The following KLHL14 variants were observed in gnomAD, a reference collection of about 807,000 sequenced individuals.
KLHL14 encodes the protein kelch-like protein 14.
In KLHL14, 22 loss-of-function variants were observed where a neutral mutation model predicts 64.3. That is an observed-to-expected ratio of 0.34 (90% CI 0.24 to 0.49). The LOEUF (loss-of-function observed/expected upper bound fraction) is 0.49. Ranked by LOEUF, KLHL14 falls within the 20% of genes least tolerant of loss-of-function variation. The pLI is 0.99. For missense variants in KLHL14, 661 were observed against 789.0 expected (o/e 0.84, Z 1.94); for synonymous variants, 322 against 333.4 (o/e 0.97, Z 0.37).
chr18:32,701,267 A>T (rs1011229528), intron 3 of KLHL14, among the ~76,000 whole-genome samples: 2 of 152,216 alleles, frequency 1.3e-5, no homozygotes, highest in Non-Finnish European at 2.9e-5. Context: ...CTGCTCTCCT[A>T]GACCTTATAT....
chr18:32,759,700 TC>T (rs2050303893), intron 2 of KLHL14, among the ~76,000 whole-genome samples: 2 of 62,204 alleles, frequency 3.2e-5, no homozygotes, highest in African/African-American at 7.4e-5. Flanking sequence ...TATAACCTTC[TC>T]TCTCTCTCTC....
intron 4 of KLHL14, among the ~76,000 whole-genome samples, chr18:32,693,736 A>G (rs934190973): frequency 4.0e-4 from 61 of 152,236 alleles, no homozygotes; most frequent in African/African-American, 1.4e-3. Context: ...CTCACAGCAT[A>G]TTCACTGATG....
intron 2 of KLHL14, among the ~76,000 whole-genome samples, chr18:32,747,290 A>C (rs563997236): frequency 1.3e-5 from 2 of 152,242 alleles, no homozygotes; most frequent in African/African-American, 4.8e-5. Flanking sequence ...AATGCAGTAC[A>C]TTTATTGTGC....
intron 3 of KLHL14, among the ~76,000 whole-genome samples, chr18:32,707,975 T>C (rs1345197111): frequency 6.6e-6 from 1 of 152,180 alleles, no homozygotes; most frequent in Admixed American, 6.5e-5. Flanking sequence ...CTGGATGATT[T>C]AATGGTCCAA....
At chr18:32,751,583 GT>G (rs1175573781) in intron 2 of KLHL14, among the ~76,000 whole-genome samples, 1 of 152,178 alleles carries the variant, frequency 6.6e-6, no homozygotes, top group Non-Finnish European at 1.5e-5. Context: ...ACTTCCCAGA[GT>G]CTGACTTTGG....
chr18:32,769,540 C>G, intron 2 of KLHL14, 105 bp downstream of exon 2: 1 of 1,037,550 alleles, frequency 9.6e-7, no homozygotes, highest in Non-Finnish European at 1.3e-6. Context: ...CCAGAGCCAC[C>G]CGCCCAGGCC....
chr18:32,716,163 T>C (rs1375093001), intron 3 of KLHL14, among the ~76,000 whole-genome samples: 1 of 152,246 alleles, frequency 6.6e-6, no homozygotes, highest in Non-Finnish European at 1.5e-5. Context: ...TTTTAAAATA[T>C]AGTCAACTTG....
At chr18:32,744,789 C>T (rs372460900) in intron 2 of KLHL14, 93 of 152,328 alleles carry the variant, frequency 6.1e-4, no homozygotes, top group African/African-American at 2.2e-3. Context: ...GATGGACCAT[C>T]TCTGCTGATA....
chr18:32,743,247 C>T (rs1312790823), intron 2 of KLHL14: 1 of 152,210 alleles, frequency 6.6e-6, no homozygotes, highest in Admixed American at 6.5e-5. Context: ...TAGTGATGAT[C>T]ACAAGCCCAC....
At chr18:32,678,462 A>G (rs2049821585) in intron 7 of KLHL14, among the ~76,000 whole-genome samples, 1 of 152,176 alleles carries the variant, frequency 6.6e-6, no homozygotes, top group South Asian at 2.1e-4. Context: ...TAGATGGTGG[A>G]ACAACAGAAC....
chr18:32,772,212 C>A (rs1175374766), intron 1 of KLHL14: 2 of 397,654 alleles, frequency 5.0e-6, no homozygotes, highest in Non-Finnish European at 1.0e-5. Context: ...CCCTGCCTGG[C>A]GCCGGTCCTG....
At chr18:32,744,171 G>A (rs564840320) in intron 2 of KLHL14, 4 of 152,218 alleles carry the variant, frequency 2.6e-5, no homozygotes, top group African/African-American at 7.2e-5. Flanking sequence ...CAAATTAACT[G>A]CTTAAAACAT....
chr18:32,741,092 G>T (rs1282067375), intron 3 of KLHL14, among the ~76,000 whole-genome samples: 1 of 152,150 alleles, frequency 6.6e-6, no homozygotes, highest in East Asian at 1.9e-4. Flanking sequence ...TTGATTTATG[G>T]ATTAAAATTG....
Position 32,709,196 on chromosome 18 carries a change from G to A in KLHL14, c.1070-13644C>T, listed in dbSNP as rs552537929. Reference sequence around the variant, plus strand: ...TTCCACACTCTGCCTCACTTACGGTGCTCCAACCATACCGGCTGCTTTGCT... The same window carrying A: ...TTCCACACTCTGCCTCACTTACGGTACTCCAACCATACCGGCTGCTTTGCT... On this transcript the variant is annotated intron_variant, in intron 3 of 8. Transcript: ENST00000359358. 2.0e-4 allele frequency among the ~76,000 whole-genome samples: 30 copies of A among 152,248 alleles called. No homozygotes were observed. In the South Asian group the frequency reaches 6.0e-3, roughly 31 times the overall value.
chr18:32,739,087 C>T (rs2050181970), intron 3 of KLHL14, among the ~76,000 whole-genome samples: 3 of 152,074 alleles, frequency 2.0e-5, no homozygotes, highest in African/African-American at 7.2e-5. Flanking sequence ...CCATCTACCT[C>T]ATGTTTTAGG....
At chr18:32,711,656 T>G (rs1229691271) in intron 3 of KLHL14, among the ~76,000 whole-genome samples, 1 of 152,208 alleles carries the variant, frequency 6.6e-6, no homozygotes, top group Non-Finnish European at 1.5e-5. Context: ...GAAGAGTATC[T>G]GAGCATCAAG....
In KLHL14 at chr18:32,731,355, G is replaced by A. The variant is rs191546834; in HGVS notation, c.1069+10573C>T. ...TGTTGTCATGTTGAGAGTCATTTAG[G>A]GCTACTGTCCTTAGCATACTAATGC... On this transcript the variant is annotated intron_variant, in intron 3 of 8. Coordinates refer to ENST00000359358, the MANE Select transcript of KLHL14 (RefSeq NM_020805.3). 1.6e-3 allele frequency among the ~76,000 whole-genome samples: 241 copies of A among 152,130 alleles called. 1 individual carries two copies. Among genetic ancestry groups the A allele is most frequent in the Non-Finnish European group, 2.7e-3 (185 of 68,008 alleles).
At chr18:32,742,108 G>C in intron 2 of KLHL14, 59 bp from the exon 3 acceptor site, 1 of 1,533,104 alleles carries the variant, frequency 6.5e-7, no homozygotes, top group Non-Finnish European at 8.8e-7. Context: ...CTTTTTAGTG[G>C]CAACGAAATC....
Position 32,761,187 on chromosome 18 carries a change from C to T in KLHL14, c.947+8458G>A, listed in dbSNP as rs189837138. On this transcript the variant is annotated intron_variant, in intron 2 of 8. Transcript: ENST00000359358. Reference sequence around the variant, plus strand: ...TTTTACTGCTGCAGGACTCGGCTAACGTGGAGCCAGGCCACTCATTTAGGT... The same window carrying T: ...TTTTACTGCTGCAGGACTCGGCTAATGTGGAGCCAGGCCACTCATTTAGGT... Among the ~76,000 whole-genome samples, 16 of 152,298 alleles carry T rather than the reference C, an allele frequency of 1.1e-4. No individual in the cohort carries two copies. The East Asian group carries it at 1.2e-3, about 11-fold the overall frequency.
Sources: allele counts gnomAD v4.1 joint callset (sites outside exome capture counted in the v4.1 genomes callset), GRCh38; gene constraint gnomAD v4.1.1; transcripts MANE v1.5; gene names NCBI Gene and HGNC (gene_info 2026-07-23, HGNC 2026-07-21).